The following ABCA13 variants were observed in gnomAD, a reference collection of about 807,000 sequenced individuals.
ABCA13 encodes the protein ATP-binding cassette sub-family A member 13.
In ABCA13, 476 loss-of-function variants were observed where a neutral mutation model predicts 478.7. The observed-to-expected ratio is 0.99, with a 90% CI of 0.92 to 1.07. ABCA13 has a LOEUF of 1.07. Ranked by LOEUF, ABCA13 falls within the 50% of genes least tolerant of loss-of-function variation. ABCA13 has a pLI of 0.00. For synonymous variants in ABCA13, 2,252 were observed against 2,158.9 expected, an observed-to-expected ratio of 1.04 and a Z score of -1.20; for missense variants, 6,060 against 5,910.6, an observed-to-expected ratio of 1.03 and a Z score of -0.83.
intron 3 of ABCA13, among the ~76,000 whole-genome samples, chr7:48,217,606 C>A (rs2128958493): frequency 6.6e-6 from 1 of 152,274 alleles, no homozygotes; most frequent in East Asian, 1.9e-4. Context: ...AGGGAGCTCT[C>A]ATTGGGTCTA....
chr7:48,587,267 G>A lies in ABCA13; in HGVS notation c.14619G>A (p.Gly4873=). The change falls in exon 57 of 62, where the codon GGG becomes GGA. Residue 4873 remains glycine (G), a synonymous_variant. Transcript: ENST00000435803. The part of the protein sequence containing the change: ...RKLSTALALV[G]KPDILLLDEP... ...TCTCTACAGCCCTGGCCCTGGTGGG[G>A]AAACCTGACATTCTTTTATTGGTGA... 1 of 1,609,010 alleles carries A rather than the reference G, an allele frequency of 6.2e-7. No individual in the cohort carries two copies. The highest frequency in any genetic ancestry group is 8.5e-7 in the Non-Finnish European group (1 of 1,177,422).
intron 41 of ABCA13, among the ~76,000 whole-genome samples, chr7:48,423,482 C>A (rs767468052): frequency 1.4e-5 from 2 of 146,392 alleles, no homozygotes; most frequent in Non-Finnish European, 3.1e-5. Context: ...TAGATCATAT[C>A]TGGGGTCTCA....
At chr7:48,324,171 A>G (rs1406157401) in intron 27 of ABCA13, among the ~76,000 whole-genome samples, 2 of 152,160 alleles carry the variant, frequency 1.3e-5, no homozygotes, top group Non-Finnish European at 2.9e-5. Flanking sequence ...TATTTTCTCA[A>G]CATTGTGGAG....
At chr7:48,370,647 C>A (rs1812487501) in intron 32 of ABCA13, among the ~76,000 whole-genome samples, 1 of 152,066 alleles carries the variant, frequency 6.6e-6, no homozygotes, top group African/African-American at 2.4e-5. Context: ...GTTGTTGGGT[C>A]AAGAATGAAA....
chr7:48,481,484 G>A (rs1386714241), intron 46 of ABCA13, among the ~76,000 whole-genome samples: 1 of 152,112 alleles, frequency 6.6e-6, no homozygotes, highest in East Asian at 1.9e-4. Context: ...TTAAGTGCTG[G>A]GGGAAATCCT....
intron 59 of ABCA13, among the ~76,000 whole-genome samples, chr7:48,624,426 A>G (rs1398584139): frequency 6.6e-6 from 1 of 152,168 alleles, no homozygotes; most frequent in Admixed American, 6.5e-5. Flanking sequence ...CTGTCATGGA[A>G]AGGAAATAAA....
intron 55 of ABCA13, among the ~76,000 whole-genome samples, chr7:48,564,589 G>A (rs1786833159): frequency 1.3e-5 from 2 of 151,708 alleles, no homozygotes. Context: ...TATCAGCCAG[G>A]TAGAGAATAG....
At chr7:48,342,581 G>C (rs1204571801) in intron 29 of ABCA13, among the ~76,000 whole-genome samples, 1 of 151,836 alleles carries the variant, frequency 6.6e-6, no homozygotes, top group East Asian at 1.9e-4. Context: ...ATCCTCTTTT[G>C]GCTCTGTAGC....
intron 55 of ABCA13, among the ~76,000 whole-genome samples, chr7:48,568,879 G>T (rs1276530214): frequency 2.6e-5 from 4 of 151,518 alleles, no homozygotes; most frequent in African/African-American, 9.7e-5. Flanking sequence ...GTCTTTCTAG[G>T]AATTTGTCCG....
intron 29 of ABCA13, 107 bp from the exon 30 acceptor site, chr7:48,350,536 G>T: frequency 4.6e-6 from 6 of 1,305,344 alleles, no homozygotes; most frequent in Non-Finnish European, 6.2e-6. Context: ...TTTAGTGGAA[G>T]AATTCATATT....
chr7:48,280,499 T>C (rs993552750), intron 18 of ABCA13, among the ~76,000 whole-genome samples: 9 of 152,234 alleles, frequency 5.9e-5, no homozygotes, highest in Non-Finnish European at 1.2e-4. Flanking sequence ...GGAAGCAGTC[T>C]GTTGCCTTAG....
At chr7:48,543,647 TA>T (rs1286898461) in intron 55 of ABCA13, among the ~76,000 whole-genome samples, 1 of 151,132 alleles carries the variant, frequency 6.6e-6, no homozygotes, top group African/African-American at 2.4e-5. Flanking sequence ...ATAAAAAAAA[TA>T]AAAAATAGGC....
intron 8 of ABCA13, 139 bp downstream of exon 8, chr7:48,234,290 A>G: frequency 9.0e-7 from 1 of 1,111,958 alleles, no homozygotes; most frequent in Non-Finnish European, 1.4e-6. Flanking sequence ...CGAGCTCCTT[A>G]CGCAGAAGAG....
At chr7:48,371,156 G>A (rs1022967163) in intron 32 of ABCA13, among the ~76,000 whole-genome samples, 15 of 152,248 alleles carry the variant, frequency 9.9e-5, no homozygotes, top group African/African-American at 3.4e-4. Context: ...TTTTGCTCCA[G>A]TACCATGCTG....
At chr7:48,260,673 T>G (rs1342831652) in intron 15 of ABCA13, among the ~76,000 whole-genome samples, 1 of 152,034 alleles carries the variant, frequency 6.6e-6, no homozygotes, top group African/African-American at 2.4e-5. Flanking sequence ...CTGTACAATA[T>G]TAATATGGTA....
intron 58 of ABCA13, among the ~76,000 whole-genome samples, chr7:48,602,745 T>A (rs1159076312): frequency 6.6e-6 from 1 of 152,124 alleles, no homozygotes; most frequent in East Asian, 1.9e-4. Context: ...AAGTGGTTTT[T>A]TTTTTCCAAT....
At chr7:48,359,975 T>A (rs1029456871) in intron 31 of ABCA13, among the ~76,000 whole-genome samples, 1 of 152,058 alleles carries the variant, frequency 6.6e-6, no homozygotes, top group African/African-American at 2.4e-5. Context: ...AAGATCAGAG[T>A]ATCCCTTTAG....
At chr7:48,438,722 A>C (rs1823177198) in intron 42 of ABCA13, among the ~76,000 whole-genome samples, 1 of 151,388 alleles carries the variant, frequency 6.6e-6, no homozygotes, top group Non-Finnish European at 1.5e-5. Context: ...TTCTTTCCTC[A>C]TTTTATCGCT....
chr7:48,517,710 AT>A (rs1832237087), intron 52 of ABCA13, among the ~76,000 whole-genome samples: 1 of 152,008 alleles, frequency 6.6e-6, no homozygotes, highest in African/African-American at 2.4e-5. Context: ...CTGCACCCTT[AT>A]TGCAATCCTT....
Sources: gnomAD v4.1 joint callset for allele counts (sites outside exome capture counted in the v4.1 genomes callset) on GRCh38, gnomAD v4.1.1 for gene constraint, MANE v1.5 for transcripts, NCBI Gene and HGNC (gene_info 2026-07-23, HGNC 2026-07-21) for gene names.